The following ANKRD17 variants were observed in gnomAD, a reference collection of about 807,000 sequenced individuals.
ANKRD17 encodes ankyrin repeat domain 17.
A neutral mutation model predicts 229.7 loss-of-function variants in ANKRD17; 19 were observed. That is an observed-to-expected ratio of 0.08 (90% CI 0.06 to 0.12). ANKRD17 has a LOEUF of 0.12. ANKRD17 is among the 10% of genes least tolerant of loss of function. The pLI is 1.00. For synonymous variants in ANKRD17, 1,112 were observed against 1,146.1 expected, an observed-to-expected ratio of 0.97 and a Z score of 0.60; for missense variants, 2,176 against 3,176.8, an observed-to-expected ratio of 0.68 and a Z score of 7.57.
intron 1 of ANKRD17, among the ~76,000 whole-genome samples, chr4:73,196,972 G>GTGTATA (rs573414290): frequency 7.2e-5 from 11 of 152,130 alleles, no homozygotes; most frequent in African/African-American, 2.4e-4. Context: ...GTGTATGTGT[G>GTGTATA]TGTATATGTA....
At chr4:73,204,560 G>A (rs911452549) in intron 1 of ANKRD17, among the ~76,000 whole-genome samples, 6 of 151,946 alleles carry the variant, frequency 3.9e-5, no homozygotes, top group Non-Finnish European at 5.9e-5. Context: ...GATAGAAAAT[G>A]ATACCTAATA....
chr4:73,228,317 A>G (rs1482019154), intron 1 of ANKRD17, among the ~76,000 whole-genome samples: 1 of 152,170 alleles, frequency 6.6e-6, no homozygotes, highest in Non-Finnish European at 1.5e-5. Context: ...TTTCTCCTAA[A>G]CTACTCATGC....
intron 25 of ANKRD17, among the ~76,000 whole-genome samples, chr4:73,099,419 G>C (rs1723692666): frequency 6.6e-6 from 1 of 152,080 alleles, no homozygotes; most frequent in Admixed American, 6.5e-5. Context: ...TACCCTCCTG[G>C]ACAATGCTAA....
chr4:73,116,420 C>T (rs924477352), intron 22 of ANKRD17, among the ~76,000 whole-genome samples: 1 of 152,154 alleles, frequency 6.6e-6, no homozygotes, highest in African/African-American at 2.4e-5. Flanking sequence ...TTCACTGCAA[C>T]ACAAGTTAGT....
chr4:73,225,861 C>CAAAAAAAAAAAAAAAAAA (rs375866026), intron 1 of ANKRD17, among the ~76,000 whole-genome samples: 23 of 66,692 alleles, frequency 3.4e-4, no homozygotes, highest in East Asian at 5.7e-4. Flanking sequence ...GACTCTGTCT[C>CAAAAAAAAAAAAAAAAAA]AAAAAAAAAA....
intron 1 of ANKRD17, among the ~76,000 whole-genome samples, chr4:73,207,193 T>TAAG (rs1739582615): frequency 6.6e-6 from 1 of 152,190 alleles, no homozygotes; most frequent in African/African-American, 2.4e-5. Flanking sequence ...ATATGTTAAT[T>TAAG]AGCTCAATGT....
intron 8 of ANKRD17, 78 bp from the exon 9 acceptor site, chr4:73,147,510 T>C (rs1730442334): frequency 9.3e-6 from 11 of 1,180,780 alleles, no homozygotes; most frequent in Middle Eastern, 2.7e-4. Context: ...TGTTTCTTAA[T>C]AAACTGAATC....
intron 1 of ANKRD17, among the ~76,000 whole-genome samples, chr4:73,249,230 G>T (rs563049017): frequency 6.6e-6 from 1 of 152,250 alleles, no homozygotes; most frequent in African/African-American, 2.4e-5. Flanking sequence ...AATAACTTTA[G>T]AGCAGGTTCT....
At chr4:73,118,042 G>A (rs1277341780) in intron 22 of ANKRD17, among the ~76,000 whole-genome samples, 2 of 151,874 alleles carry the variant, frequency 1.3e-5, no homozygotes, top group Non-Finnish European at 2.9e-5. Flanking sequence ...TTGAGACGGG[G>A]TCGTACTCTT....
intron 7 of ANKRD17, among the ~76,000 whole-genome samples, chr4:73,149,366 T>C (rs943784344): frequency 3.3e-5 from 5 of 151,932 alleles, no homozygotes; most frequent in Admixed American, 6.6e-5. Flanking sequence ...CAACACTATA[T>C]GGTACAAACT....
At chr4:73,092,584 T>G (rs935024261) in intron 28 of ANKRD17, among the ~76,000 whole-genome samples, 1 of 152,174 alleles carries the variant, frequency 6.6e-6, no homozygotes, top group Non-Finnish European at 1.5e-5. Flanking sequence ...ATTGTTTCCT[T>G]AGACTAAGAA....
intron 22 of ANKRD17, among the ~76,000 whole-genome samples, chr4:73,118,397 G>A (rs1726262805): frequency 6.6e-6 from 1 of 151,590 alleles, no homozygotes; most frequent in African/African-American, 2.4e-5. Flanking sequence ...TATCTTAACT[G>A]GATTTACACT....
chr4:73,101,182 A>G (rs776378734), intron 25 of ANKRD17: 36 of 958,316 alleles, frequency 3.8e-5, no homozygotes, highest in Admixed American at 1.2e-4. Context: ...CCCTGTGGAT[A>G]TAAAGGGACA....
chr4:73,218,495 T>C (rs1268720541), intron 1 of ANKRD17, among the ~76,000 whole-genome samples: 1 of 151,564 alleles, frequency 6.6e-6, no homozygotes, highest in African/African-American at 2.4e-5. Context: ...ACACAAAAAA[T>C]TGCCAGGCAT....
At position 73,091,335 on chromosome 4, in the gene ANKRD17, G is replaced by T; in HGVS notation, c.6293C>A (p.Ser2098Tyr). 1 of 1,614,110 alleles carries T rather than the reference G, an allele frequency of 6.2e-7. No individual in the cohort carries two copies. The highest frequency in any genetic ancestry group is 8.5e-7 in the Non-Finnish European group (1 of 1,180,038). ...TNTRPPNSSSSSGSSSAHSNQ... is the reference protein window; with the variant it reads ...TNTRPPNSSSYSGSSSAHSNQ... Reference sequence around the variant, plus strand: ...AGAATGAGCTGATGAACTCCCAGAAGAACTGCTGCTGTTTGGAGGTCTAGT... The same window carrying T: ...AGAATGAGCTGATGAACTCCCAGAATAACTGCTGCTGTTTGGAGGTCTAGT... The change falls in exon 29 of 34, where the codon TCT becomes TAT. Residue 2098 changes from serine (S) to tyrosine (Y), a missense_variant. Physicochemically the swap from Ser to Tyr is moderately radical, Grantham distance 144. This residue lies in a region of ANKRD17 where 424 missense variants were observed against 454.0 expected (regional missense o/e 0.93). Transcript: ENST00000358602.
chr4:73,219,415 T>C (rs1263885318), intron 1 of ANKRD17, among the ~76,000 whole-genome samples: 3 of 152,218 alleles, frequency 2.0e-5, no homozygotes, highest in South Asian at 4.1e-4. Flanking sequence ...TTATGGTAAA[T>C]AGCAAGTGGA....
At chr4:73,167,608 T>A (rs1199194521) in intron 2 of ANKRD17, among the ~76,000 whole-genome samples, 1 of 152,194 alleles carries the variant, frequency 6.6e-6, no homozygotes, top group East Asian at 1.9e-4. Flanking sequence ...TCCCTGCTCC[T>A]CTGAGGTATA....
At chr4:73,090,635 C>G (rs768164710) in intron 29 of ANKRD17, 32 bp downstream of exon 29, 1 of 1,611,814 alleles carries the variant, frequency 6.2e-7, no homozygotes, top group Non-Finnish European at 8.5e-7. Flanking sequence ...TGCAAATGAA[C>G]AGCTGCAGAA....
intron 1 of ANKRD17, chr4:73,222,982 T>C (rs1363972179): frequency 6.5e-7 from 1 of 1,535,012 alleles, no homozygotes; most frequent in South Asian, 1.2e-5. Context: ...ACCTCAAGAA[T>C]GTCTTCTAGA....
Sources: allele counts gnomAD v4.1 joint callset (sites outside exome capture counted in the v4.1 genomes callset), GRCh38; gene constraint gnomAD v4.1.1; regional missense constraint gnomAD v4.1.1; transcripts MANE v1.5; gene names NCBI Gene and HGNC (gene_info 2026-07-23, HGNC 2026-07-21).